The following ADGRV1 variants were observed in gnomAD, a reference collection of about 807,000 sequenced individuals.
The protein encoded by ADGRV1 is G-protein coupled receptor 98.
In ADGRV1, 359 loss-of-function variants were observed where a neutral mutation model predicts 596.2. That is an observed-to-expected ratio of 0.60 (90% CI 0.55 to 0.66). The LOEUF (loss-of-function observed/expected upper bound fraction) is 0.66. Among genes scored for constraint, ADGRV1 ranks in the 30% least tolerant of loss-of-function variants. The pLI, the probability that ADGRV1 is intolerant of heterozygous loss-of-function variation, is 0.00. For missense variants in ADGRV1, 7,274 were observed against 7,575.6 expected, an observed-to-expected ratio of 0.96 and a Z score of 1.48; for synonymous variants, 2,681 against 2,679.2, an observed-to-expected ratio of 1.00 and a Z score of -0.02.
rs6870337 is a variant in ADGRV1, at chr5:90,622,996, G to C, written c.558+295G>C. Among the ~76,000 whole-genome samples, 113,238 of 152,154 alleles carry C rather than the reference G, an allele frequency of 0.74. 42,733 individuals are homozygous for C. Among genetic ancestry groups the C allele is most frequent in the African/African-American group, 0.86 (35,750 of 41,528 alleles). On this transcript the variant is annotated intron_variant, in intron 5 of 89. Transcript: ENST00000405460. ...CCTCAGGTGATCCGCCCGCCTTGGC[G>C]TCCCAAAGTGCTGGGGTTACAGGCG...
At chr5:90,594,852 A>G (rs1760049728) in intron 1 of ADGRV1, among the ~76,000 whole-genome samples, 1 of 150,982 alleles carries the variant, frequency 6.6e-6, no homozygotes, top group African/African-American at 2.5e-5. Context: ...TTCTTAGTAC[A>G]GAAGAAAATG....
chr5:90,778,694 A>G (rs1758520146), intron 63 of ADGRV1, 85 bp downstream of exon 63: 1 of 1,191,234 alleles, frequency 8.4e-7, no homozygotes, highest in African/African-American at 1.5e-5. Context: ...CAGAGTTTTC[A>G]TAAACTGATT....
At chr5:91,027,913 A>G (rs770732121) in intron 85 of ADGRV1, among the ~76,000 whole-genome samples, 1 of 152,204 alleles carries the variant, frequency 6.6e-6, no homozygotes, top group Admixed American at 6.5e-5. Flanking sequence ...TTACCAAGCC[A>G]GCAGACTTTC....
chr5:90,640,690 A>C (rs961404278), intron 11 of ADGRV1: 1 of 152,644 alleles, frequency 6.6e-6, no homozygotes. Flanking sequence ...TAAAACGCAC[A>C]TTACTAGCTC....
chr5:91,103,830 G>T (rs1375446731), intron 87 of ADGRV1, among the ~76,000 whole-genome samples: 1 of 152,060 alleles, frequency 6.6e-6, no homozygotes, highest in Non-Finnish European at 1.5e-5. Flanking sequence ...GGTTAGAGAT[G>T]GGAATTTCAG....
chr5:90,864,071 G>A (rs1320713954), intron 83 of ADGRV1, among the ~76,000 whole-genome samples: 5 of 150,284 alleles, frequency 3.3e-5, no homozygotes, highest in South Asian at 2.2e-4. Flanking sequence ...TAATATCATC[G>A]CTTACAAAAA....
intron 86 of ADGRV1, among the ~76,000 whole-genome samples, chr5:91,090,124 T>G (rs1324234242): frequency 6.6e-6 from 1 of 152,140 alleles, no homozygotes; most frequent in East Asian, 1.9e-4. Context: ...AAATGATAAT[T>G]CCCTTTCCCA....
At chr5:91,081,832 CACT>C (rs1260961215) in intron 86 of ADGRV1, among the ~76,000 whole-genome samples, 1 of 151,976 alleles carries the variant, frequency 6.6e-6, no homozygotes, top group Non-Finnish European at 1.5e-5. Context: ...AATAAATATT[CACT>C]ACTTCTCCAC....
intron 1 of ADGRV1, 116 bp from the exon 2 acceptor site, chr5:90,614,719 G>T (rs1194745284): frequency 1.3e-6 from 1 of 787,674 alleles, no homozygotes; most frequent in Admixed American, 2.0e-5. Flanking sequence ...ATGTATTTAT[G>T]TCTTAGTTGT....
chr5:90,876,777 T>C (rs1440078660), intron 83 of ADGRV1, among the ~76,000 whole-genome samples: 1 of 152,204 alleles, frequency 6.6e-6, no homozygotes, highest in Non-Finnish European at 1.5e-5. Flanking sequence ...GAAGACCTTT[T>C]CTGAAAATTT....
At position 90,810,995 on chromosome 5, in the gene ADGRV1, C is replaced by A. The variant is rs747955012; in HGVS notation, c.15735C>A (p.Ile5245=). The part of the protein sequence containing the change: ...NGTFNTAEVL[I]RRTGGFTGNV... ...CATTCAACACTGCAGAAGTTCTTAT[C>A]CGAAGAACTGGTGGGTTTACTGGCA... The change falls in exon 74 of 90, where the codon ATC becomes ATA. Residue 5245 remains isoleucine, a synonymous_variant. Coordinates refer to ENST00000405460, the MANE Select transcript of ADGRV1 (RefSeq NM_032119.4). The A allele has an allele frequency of 6.2e-7, 1 of 1,613,802 alleles. No individual in the cohort carries two copies. Among genetic ancestry groups the A allele is most frequent in the East Asian group, 2.2e-5 (1 of 44,896 alleles).
intron 87 of ADGRV1, among the ~76,000 whole-genome samples, chr5:91,148,269 A>G (rs115261644): frequency 0.013 from 1,925 of 152,308 alleles, 38 homozygotes; most frequent in African/African-American, 0.043. Context: ...AATGGGGAAA[A>G]TATCTCCAGG....
chr5:91,021,445 G>T (rs1015767404), intron 85 of ADGRV1, among the ~76,000 whole-genome samples: 33 of 152,186 alleles, frequency 2.2e-4, no homozygotes, highest in African/African-American at 7.7e-4. Flanking sequence ...CAGATCAAAT[G>T]GTTTAATGAG....
intron 84 of ADGRV1, among the ~76,000 whole-genome samples, chr5:90,982,859 AG>A (rs1467661135): frequency 6.6e-6 from 1 of 152,206 alleles, no homozygotes; most frequent in Non-Finnish European, 1.5e-5. Context: ...TTAGAGAGGC[AG>A]GGTTTGGAAA....
At chr5:90,894,854 TAAGTCAAA>T (rs1771152793) in intron 83 of ADGRV1, among the ~76,000 whole-genome samples, 1 of 152,236 alleles carries the variant, frequency 6.6e-6, no homozygotes, top group Non-Finnish European at 1.5e-5. Context: ...GTCTGGTCCT[TAAGTCAAA>T]GTGCTCTAAT....
chr5:90,810,338 T>G lies in ADGRV1; in HGVS notation c.15078T>G (p.His5026Gln). 2 of 1,613,106 alleles carry G rather than the reference T, an allele frequency of 1.2e-6. No homozygotes were observed. The highest frequency in any genetic ancestry group is 2.7e-5 in the African/African-American group (2 of 75,038). ...VSEDTQMIRL[H>Q]VQRLFGFHSD... Reference sequence around the variant, plus strand: ...AAGATACACAGATGATCAGATTACATGTACAAAGACTATTTGGGTTCCACA... The same window carrying G: ...AAGATACACAGATGATCAGATTACAGGTACAAAGACTATTTGGGTTCCACA... The change falls in exon 74 of 90, where the codon CAT becomes CAG. Residue 5026 changes from histidine to glutamine, a missense_variant. By Grantham distance (24) the His-to-Gln change is conservative (BLOSUM62 0). This residue lies in a region of ADGRV1 where 1,874 missense variants were observed against 1,970.2 expected (regional missense o/e 0.95). Coordinates refer to ENST00000405460, the MANE Select transcript of ADGRV1 (RefSeq NM_032119.4).
chr5:91,020,353 C>T (rs1490202263), intron 85 of ADGRV1, among the ~76,000 whole-genome samples: 1 of 151,944 alleles, frequency 6.6e-6, no homozygotes, highest in African/African-American at 2.4e-5. Flanking sequence ...ATCAGCTGAT[C>T]ACAGAAAAAA....
intron 85 of ADGRV1, among the ~76,000 whole-genome samples, chr5:91,042,116 A>G (rs1056202361): frequency 3.3e-5 from 5 of 152,188 alleles, no homozygotes; most frequent in African/African-American, 9.7e-5. Flanking sequence ...AGGAAGTCAT[A>G]GTGATTCAGT....
intron 83 of ADGRV1, among the ~76,000 whole-genome samples, chr5:90,898,211 T>C (rs1391939172): frequency 3.3e-5 from 5 of 152,188 alleles, no homozygotes; most frequent in African/African-American, 1.2e-4. Context: ...TCTTCTGTCA[T>C]GTTTGACTAT....
Sources: allele counts gnomAD v4.1 joint callset (sites outside exome capture counted in the v4.1 genomes callset), GRCh38; gene constraint gnomAD v4.1.1; regional missense constraint gnomAD v4.1.1; transcripts MANE v1.5; gene names NCBI Gene and HGNC (gene_info 2026-07-23, HGNC 2026-07-21).